Variants in CALCOCO2 observed in about 807,000 individuals in gnomAD.
The protein encoded by CALCOCO2 is calcium-binding and coiled-coil domain-containing protein 2.
CALCOCO2 carries 42 observed loss-of-function variants against 62.5 expected under a neutral mutation model. That is an observed-to-expected ratio of 0.67 (90% CI 0.53 to 0.87). The LOEUF (loss-of-function observed/expected upper bound fraction) is 0.87, where lower values mean the gene tolerates loss of function less well. Among genes scored for constraint, CALCOCO2 ranks in the 40% least tolerant of loss-of-function variants. The pLI is 0.00. For synonymous variants in CALCOCO2, 167 were observed against 173.0 expected, an observed-to-expected ratio of 0.97 and a Z score of 0.27; for missense variants, 456 against 515.0, an observed-to-expected ratio of 0.89 and a Z score of 1.11.
At chr17:48,862,453 C>T in intron 12 of CALCOCO2, 149 bp downstream of exon 12, 2 of 696,646 alleles carry the variant, frequency 2.9e-6, no homozygotes, top group South Asian at 3.2e-5. Flanking sequence ...CAAGGCTGAG[C>T]CAGCCTGTTG....
chr17:48,833,912 T>C (rs2039852743), intron 1 of CALCOCO2, among the ~76,000 whole-genome samples: 1 of 152,024 alleles, frequency 6.6e-6, no homozygotes, highest in African/African-American at 2.4e-5. Context: ...ATGGATCGCC[T>C]GAGTCCAGGA....
At chr17:48,832,164 G>A (rs1404511362) in intron 1 of CALCOCO2, among the ~76,000 whole-genome samples, 2 of 152,322 alleles carry the variant, frequency 1.3e-5, no homozygotes, top group Non-Finnish European at 2.9e-5. Context: ...AGGCCCAGGC[G>A]GGCAGAATCA....
chr17:48,841,978 T>G lies in CALCOCO2; in HGVS notation c.180+91T>G, dbSNP rs1337250110. ...GACTCTCTGTGTATTATAAGCATTT[T>G]GTATAATATGTGTTGGCAGTTTTTA... On this transcript the variant is annotated intron_variant, in intron 2 of 12. Transcript: ENST00000258947. The G allele has an allele frequency of 3.4e-6, 3 of 884,182 alleles. No homozygotes were observed. The African/African-American group carries it at 5.1e-5, about 15-fold the overall frequency. 54.8% of individuals were successfully genotyped at this position (884,182 alleles called of 1,614,324 possible). A position where few individuals can be genotyped will look rare whatever the true frequency, so the allele number is the denominator to read the frequency against.
chr17:48,839,670 C>CTTTTTTTTTTTTTTT (rs766846336), intron 1 of CALCOCO2, among the ~76,000 whole-genome samples: 2 of 66,172 alleles, frequency 3.0e-5, no homozygotes, highest in Non-Finnish European at 5.4e-5. Flanking sequence ...CTTTGCTTTG[C>CTTTTTTTTTTTTTTT]TTTTTTTTTT....
At chr17:48,850,623 A>G (rs1211604135) in intron 5 of CALCOCO2, among the ~76,000 whole-genome samples, 1 of 152,156 alleles carries the variant, frequency 6.6e-6, no homozygotes, top group Non-Finnish European at 1.5e-5. Context: ...AGTTCTGTCT[A>G]TTTTGTCCAC....
intron 10 of CALCOCO2, among the ~76,000 whole-genome samples, chr17:48,859,690 C>T (rs2040299675): frequency 6.6e-6 from 1 of 152,148 alleles, no homozygotes; most frequent in Admixed American, 6.5e-5. Flanking sequence ...GTTAATATAG[C>T]TCCTGCCACT....
At chr17:48,847,830 AT>A (rs1360097010) in intron 2 of CALCOCO2, 3 of 355,640 alleles carry the variant, frequency 8.4e-6, no homozygotes, top group African/African-American at 6.5e-5. Flanking sequence ...TATTTTTTGT[AT>A]TTTAATGGAG....
chr17:48,851,238 A>G (rs2040125763), intron 6 of CALCOCO2, 61 bp downstream of exon 6: 2 of 917,468 alleles, frequency 2.2e-6, no homozygotes, highest in Non-Finnish European at 3.6e-6. Context: ...ACCCTTAAGT[A>G]CAGTCAGATT....
chr17:48,854,378 T>TTTTATATATATATATATA (rs1489635512), intron 9 of CALCOCO2, among the ~76,000 whole-genome samples: 139 of 12,136 alleles, frequency 0.011, 12 homozygotes, highest in Non-Finnish European at 0.03. Context: ...TGGTTTTCTT[T>TTTTATATATATATATATA]TATTTATATA....
chr17:48,853,963 C>T (rs1228001645), intron 9 of CALCOCO2, among the ~76,000 whole-genome samples: 1 of 152,126 alleles, frequency 6.6e-6, no homozygotes, highest in Non-Finnish European at 1.5e-5. Context: ...TGCCTGCTCT[C>T]TATAGGCACA....
chr17:48,851,793 G>C (rs2040134374), intron 7 of CALCOCO2, 165 bp downstream of exon 7: 1 of 582,468 alleles, frequency 1.7e-6, no homozygotes, highest in African/African-American at 1.9e-5. Flanking sequence ...CTTGGACCAG[G>C]TAAGCCTCCA....
chr17:48,835,833 T>G (rs1459447502), intron 1 of CALCOCO2, among the ~76,000 whole-genome samples: 1 of 151,878 alleles, frequency 6.6e-6, no homozygotes, highest in Non-Finnish European at 1.5e-5. Flanking sequence ...CACTGCAACC[T>G]CCGCCTCCTG....
chr17:48,838,102 G>T (rs914544472), intron 1 of CALCOCO2, among the ~76,000 whole-genome samples: 2 of 152,136 alleles, frequency 1.3e-5, no homozygotes, highest in Admixed American at 6.6e-5. Context: ...AGCTCCCCGA[G>T]TGAGCAATTC....
At chr17:48,841,670 C>T in intron 1 of CALCOCO2, 28 bp from the exon 2 acceptor site, 4 of 1,488,528 alleles carry the variant, frequency 2.7e-6, no homozygotes, top group Non-Finnish European at 3.7e-6. Context: ...GCTTTCTGAG[C>T]CTTACTCTGT....
intron 9 of CALCOCO2, 39 bp from the exon 10 acceptor site, chr17:48,856,053 A>G (rs775284599): frequency 9.5e-7 from 1 of 1,056,148 alleles, no homozygotes; most frequent in Non-Finnish European, 1.4e-6. Flanking sequence ...CCAGACTGCA[A>G]TATGTGATCC....
intron 9 of CALCOCO2, chr17:48,853,257 A>G (rs2040159870): frequency 2.3e-6 from 1 of 427,212 alleles, no homozygotes; most frequent in Admixed American, 3.5e-5. Context: ...GATGTAGTTA[A>G]CTAGATCCTT....
At chr17:48,845,326 T>TGG (rs1189123708) in intron 2 of CALCOCO2, among the ~76,000 whole-genome samples, 4 of 118,690 alleles carry the variant, frequency 3.4e-5, no homozygotes, top group Admixed American at 2.3e-4. Flanking sequence ...TGAGGGTGTG[T>TGG]GTGTGTGTGT....
chr17:48,837,773 G>T (rs950448864), intron 1 of CALCOCO2, among the ~76,000 whole-genome samples: 1 of 152,136 alleles, frequency 6.6e-6, no homozygotes, highest in Non-Finnish European at 1.5e-5. Flanking sequence ...ACAGTTTAGT[G>T]CTCCAAAGTC....
chr17:48,847,933 G>A lies in CALCOCO2; in HGVS notation c.181-131G>A, dbSNP rs1400822411. The A allele has an allele frequency of 1.1e-5, 7 of 612,816 alleles. No homozygotes were observed. In the East Asian group the frequency reaches 2.0e-4, roughly 17 times the overall value. 38.0% of individuals were successfully genotyped at this position (612,816 alleles called of 1,614,324 possible). ...GCCTCCCAAAGTGCTAGGATTACAG[G>A]CATGAGCCACTGCACCCGGCCTATA... On this transcript the variant is annotated intron_variant, in intron 2 of 12. Coordinates refer to ENST00000258947, the MANE Select transcript of CALCOCO2 (RefSeq NM_005831.5).
Sources: allele counts gnomAD v4.1 joint callset (sites outside exome capture counted in the v4.1 genomes callset), GRCh38; gene constraint gnomAD v4.1.1; transcripts MANE v1.5; gene names NCBI Gene and HGNC (gene_info 2026-07-23, HGNC 2026-07-21).